Variants in DCDC1 observed in about 807,000 individuals in gnomAD.
DCDC1 encodes the protein doublecortin domain-containing protein 1.
In DCDC1, 200 loss-of-function variants were observed where a neutral mutation model predicts 178.3. The ratio of observed to expected loss-of-function variants is 1.12; its 90% confidence interval spans 1.00 to 1.26. The LOEUF (loss-of-function observed/expected upper bound fraction) is 1.26. DCDC1 is among the 50% of genes most tolerant of loss of function. The probability of loss-of-function intolerance (pLI) is 0.00; values close to 1 mark genes in which losing one functional copy is unlikely to be tolerated. For synonymous variants in DCDC1, 690 were observed against 604.8 expected (o/e 1.14, Z -2.07); for missense variants, 1,983 against 1,749.2 (o/e 1.13, Z -2.38).
intron 2 of DCDC1, among the ~76,000 whole-genome samples, chr11:31,329,058 G>T (rs1485789071): frequency 6.8e-6 from 1 of 147,138 alleles, no homozygotes; most frequent in Non-Finnish European, 1.5e-5. Context: ...TGCCTTCAAG[G>T]CATGGAAGTG....
chr11:30,869,202 G>A (rs1276520171), intron 38 of DCDC1, among the ~76,000 whole-genome samples: 4 of 152,190 alleles, frequency 2.6e-5, no homozygotes, highest in Admixed American at 2.0e-4. Flanking sequence ...CATTGCTTTG[G>A]TTTGCCTTTT....
At chr11:31,182,307 T>G (rs1287429322) in intron 9 of DCDC1, among the ~76,000 whole-genome samples, 2 of 151,218 alleles carry the variant, frequency 1.3e-5, no homozygotes, top group East Asian at 3.9e-4. Context: ...ACACCAAGAT[T>G]GAAATGAAGG....
chr11:31,126,094 C>A lies in DCDC1; in HGVS notation c.1485+1375G>T, dbSNP rs115736469. Among the ~76,000 whole-genome samples, 719 of 151,978 alleles carry A rather than the reference C, an allele frequency of 4.7e-3. 6 individuals are homozygous for A. Among genetic ancestry groups the A allele is most frequent in the African/African-American group, 0.017 (684 of 41,446 alleles). On this transcript the variant is annotated intron_variant, in intron 11 of 38. Transcript: ENST00000684477. ...AGGGAAAACAAAACACTTTTTTTCC[C>A]CAAGTCACACCGTAGTTCATACGAA...
chr11:31,125,535 C>A (rs980225295), intron 11 of DCDC1, among the ~76,000 whole-genome samples: 4 of 151,994 alleles, frequency 2.6e-5, no homozygotes, highest in Non-Finnish European at 4.4e-5. Context: ...CAAATGTGCA[C>A]CAATGATAGA....
intron 7 of DCDC1, among the ~76,000 whole-genome samples, chr11:31,273,713 C>T (rs1945757922): frequency 1.3e-5 from 2 of 152,308 alleles, no homozygotes; most frequent in South Asian, 4.1e-4. Context: ...CAGCACCCCA[C>T]TCTTGGTACC....
chr11:30,978,481 A>G lies in DCDC1; in HGVS notation c.2592-25913T>C, dbSNP rs140752115. 9.1e-3 allele frequency among the ~76,000 whole-genome samples: 1,382 copies of G among 152,252 alleles called. 20 individuals carry two copies. The highest frequency in any genetic ancestry group is 0.031 in the African/African-American group (1,308 of 41,544). On this transcript the variant is annotated intron_variant, in intron 20 of 38. Transcript: ENST00000684477. ...TTTTATTGATATGTAATATTTGTACATCTTTTTTATTGATACATAATATTT... is the reference window on the plus strand; with the variant it reads ...TTTTATTGATATGTAATATTTGTACGTCTTTTTTATTGATACATAATATTT...
chr11:30,962,184 T>G (rs1462340105), intron 20 of DCDC1, among the ~76,000 whole-genome samples: 1 of 152,108 alleles, frequency 6.6e-6, no homozygotes, highest in Non-Finnish European at 1.5e-5. Context: ...ATTATTAATT[T>G]GCAAGCCAAA....
intron 3 of DCDC1, among the ~76,000 whole-genome samples, chr11:31,324,365 A>G (rs926721115): frequency 1.3e-5 from 2 of 152,084 alleles, no homozygotes; most frequent in Admixed American, 1.3e-4. Context: ...AAAATAAGGC[A>G]TATGTGAAAT....
intron 29 of DCDC1, among the ~76,000 whole-genome samples, chr11:30,907,050 G>T (rs529556397): frequency 1.3e-5 from 2 of 152,244 alleles, no homozygotes; most frequent in East Asian, 3.9e-4. Flanking sequence ...TGAATGAAAA[G>T]AAGCCATCAT....
chr11:30,973,152 A>G (rs935876564), intron 20 of DCDC1, among the ~76,000 whole-genome samples: 2 of 151,652 alleles, frequency 1.3e-5, no homozygotes, highest in Non-Finnish European at 2.9e-5. Context: ...TGCACTTGTA[A>G]TCCCATCTAC....
At position 31,110,253 on chromosome 11, in the gene DCDC1, A is replaced by C; in HGVS notation, c.1587+7T>G. Reference sequence around the variant, plus strand: ...TAAAGTCATAAGTAAACTGTCAGTAAACTCACTCTTTCCATCATATGGTCA... The same window carrying C: ...TAAAGTCATAAGTAAACTGTCAGTACACTCACTCTTTCCATCATATGGTCA... On this transcript the variant is annotated splice_region_variant and intron_variant, in intron 12 of 38. Transcript: ENST00000684477. 1.4e-6 allele frequency: 1 copy of C among 707,452 alleles called. No individual in the cohort carries two copies. The highest frequency in any genetic ancestry group is 2.6e-6 in the Non-Finnish European group (1 of 385,462). The allele number at this position is 707,452 out of a possible 1,614,324, so 43.8% of individuals were successfully genotyped here.
chr11:31,209,095 G>T (rs897410675), intron 9 of DCDC1, among the ~76,000 whole-genome samples: 1 of 152,126 alleles, frequency 6.6e-6, no homozygotes, highest in Non-Finnish European at 1.5e-5. Context: ...AATTTGAGGG[G>T]TCAGGAGAAC....
chr11:30,883,344 TGAGA>T (rs1301553205), intron 36 of DCDC1: 2 of 249,974 alleles, frequency 8.0e-6, no homozygotes, highest in Non-Finnish European at 1.7e-5. Flanking sequence ...ACAAAGTGTA[TGAGA>T]GAGAAAAGTC....
chr11:31,062,921 T>C (rs1166052154), intron 20 of DCDC1, among the ~76,000 whole-genome samples: 1 of 149,628 alleles, frequency 6.7e-6, no homozygotes, highest in African/African-American at 2.4e-5. Context: ...GCATTAGGTA[T>C]ATCTCCTAAT....
intron 9 of DCDC1, among the ~76,000 whole-genome samples, chr11:31,164,397 A>G (rs1214944229): frequency 1.3e-5 from 2 of 152,194 alleles, no homozygotes; most frequent in Non-Finnish European, 2.9e-5. Context: ...TCCAGAAGAA[A>G]GCATCATTAT....
intron 1 of DCDC1, among the ~76,000 whole-genome samples, chr11:31,364,322 G>A (rs1273728248): frequency 6.6e-6 from 1 of 152,138 alleles, no homozygotes; most frequent in Non-Finnish European, 1.5e-5. Flanking sequence ...GTTGGAAAGT[G>A]CATAGAAAAA....
At chr11:31,225,667 G>C (rs1294054737) in intron 9 of DCDC1, among the ~76,000 whole-genome samples, 1 of 148,472 alleles carries the variant, frequency 6.7e-6, no homozygotes, top group Non-Finnish European at 1.5e-5. Context: ...GTTACCTCTA[G>C]AGAGGAAGCA....
At chr11:31,182,700 C>A (rs1968968189) in intron 9 of DCDC1, among the ~76,000 whole-genome samples, 1 of 152,034 alleles carries the variant, frequency 6.6e-6, no homozygotes, top group Non-Finnish European at 1.5e-5. Flanking sequence ...AACTAACGGG[C>A]AAAATAAGCA....
At chr11:30,933,470 A>G (rs1052724381) in intron 21 of DCDC1, among the ~76,000 whole-genome samples, 11 of 152,146 alleles carry the variant, frequency 7.2e-5, no homozygotes, top group Non-Finnish European at 1.5e-4. Flanking sequence ...ATTAATTTTT[A>G]AAAATTTAAA....
Sources: gnomAD v4.1 joint callset for allele counts (sites outside exome capture counted in the v4.1 genomes callset) on GRCh38, gnomAD v4.1.1 for gene constraint, MANE v1.5 for transcripts, NCBI Gene and HGNC (gene_info 2026-07-23, HGNC 2026-07-21) for gene names.